The following DOCK9 variants were observed in gnomAD, a reference collection of about 807,000 sequenced individuals.
The protein encoded by DOCK9 is dedicator of cytokinesis 9.
In DOCK9, 89 loss-of-function variants were observed where a neutral mutation model predicts 263.3. That is an observed-to-expected ratio of 0.34 (90% CI 0.28 to 0.40). The LOEUF (loss-of-function observed/expected upper bound fraction) is 0.40. Among genes scored for constraint, DOCK9 ranks in the 10% least tolerant of loss-of-function variants. The pLI is 1.00. For missense variants in DOCK9, 2,140 were observed against 2,603.4 expected, an observed-to-expected ratio of 0.82 and a Z score of 3.87; for synonymous variants, 976 against 973.1, an observed-to-expected ratio of 1.00 and a Z score of -0.06.
chr13:99,038,408 G>A (rs567384843), intron 1 of DOCK9, among the ~76,000 whole-genome samples: 7 of 143,784 alleles, frequency 4.9e-5, no homozygotes, highest in African/African-American at 1.8e-4. Context: ...GGGTTCAAGC[G>A]ATTCTCCTGC....
intron 1 of DOCK9, among the ~76,000 whole-genome samples, chr13:98,989,307 A>T (rs918810027): frequency 1.4e-5 from 2 of 141,824 alleles, no homozygotes; most frequent in African/African-American, 5.3e-5. Flanking sequence ...GAGCTTGAAA[A>T]TTAATAATAA....
At chr13:98,984,838 A>G (rs1878063938) in intron 1 of DOCK9, among the ~76,000 whole-genome samples, 1 of 152,216 alleles carries the variant, frequency 6.6e-6, no homozygotes. Flanking sequence ...TATATCTATA[A>G]TATTAAGTAT....
chr13:98,873,167 T>C (rs1594854141), intron 27 of DOCK9, among the ~76,000 whole-genome samples: 1 of 152,292 alleles, frequency 6.6e-6, no homozygotes, highest in Non-Finnish European at 1.5e-5. Context: ...CCTGAGCGCC[T>C]TCCCATTTTC....
At chr13:98,803,758 G>T (rs2090379976) in intron 49 of DOCK9, among the ~76,000 whole-genome samples, 1 of 152,016 alleles carries the variant, frequency 6.6e-6, no homozygotes. Flanking sequence ...TTTGGGGTGG[G>T]GTGATGTTTG....
chr13:98,867,481 T>C lies in DOCK9; in HGVS notation c.3230A>G (p.Tyr1077Cys). ...TGGCATTGGTAAGTTCAACGGAATA[T>C]AATGTTCATGGTTGCACACTACACG... ...FLRVVCNHEH[Y>C]IPLNLPMPFG... Residue 1077 changes from tyrosine to cysteine, a missense_variant, in exon 30 of 53, where the codon TAT (tyrosine) becomes TGT (cysteine). Tyr to Cys is a radical substitution (Grantham distance 194). Coordinates refer to ENST00000682017, the MANE Select transcript of DOCK9 (RefSeq NM_001366683.2). 6.2e-7 allele frequency: 1 copy of C among 1,613,114 alleles called. No homozygotes were observed. Among genetic ancestry groups the C allele is most frequent in the East Asian group, 2.2e-5 (1 of 44,824 alleles).
In DOCK9 at chr13:98,800,453, C is replaced by A; in HGVS notation, c.5751G>T (p.Lys1917Asn). 1 of 1,614,000 alleles carries A rather than the reference C, an allele frequency of 6.2e-7. No individual in the cohort carries two copies. The highest frequency in any genetic ancestry group is 8.5e-7 in the Non-Finnish European group (1 of 1,179,870). ...GCTGGTACATGACAGGGATGCGCTT[C>A]TTCACATAAGGGAAGCAGTGTATGG... ...LTAIHCFPYV[K>N]KRIPVMYQHH... Residue 1917 changes from lysine (K) to asparagine (N), a missense_variant, in exon 50 of 53, where the codon AAG (lysine) becomes AAT (asparagine). This residue lies in a region of DOCK9 where 619 missense variants were observed against 861.8 expected (regional missense o/e 0.72). Coordinates refer to ENST00000682017, the MANE Select transcript of DOCK9 (RefSeq NM_001366683.2).
At chr13:98,886,457 C>G (rs6491465) in intron 19 of DOCK9, 75 bp downstream of exon 19, 1,227,666 of 1,236,882 alleles carry the variant, frequency 0.99, 609,734 homozygotes, top group East Asian at 1. Context: ...CTTGAATTTT[C>G]CTTTACCAGG....
At chr13:98,933,655 C>A (rs1179183028) in intron 2 of DOCK9, among the ~76,000 whole-genome samples, 2 of 152,238 alleles carry the variant, frequency 1.3e-5, no homozygotes, top group South Asian at 2.1e-4. Flanking sequence ...CGTAGTGTAG[C>A]ATAACTGCTA....
chr13:98,967,532 T>C (rs771087742), intron 1 of DOCK9, among the ~76,000 whole-genome samples: 22 of 152,206 alleles, frequency 1.4e-4, no homozygotes, highest in Non-Finnish European at 7.3e-5. Context: ...ACCTTCCCCA[T>C]CACACATGAA....
chr13:99,056,880 C>T (rs2142254119), intron 1 of DOCK9, among the ~76,000 whole-genome samples: 1 of 152,334 alleles, frequency 6.6e-6, no homozygotes, highest in African/African-American at 2.4e-5. Context: ...ATGCGTACAG[C>T]AGCGGGGATC....
At chr13:98,945,892 G>A (rs777453151) in intron 2 of DOCK9, among the ~76,000 whole-genome samples, 103 of 152,344 alleles carry the variant, frequency 6.8e-4, no homozygotes, top group African/African-American at 2.3e-3. Context: ...GCAAGGTAGA[G>A]AGGACCAGCA....
In DOCK9 at chr13:99,015,767, C is replaced by T. The variant is rs75686234; in HGVS notation, c.130-60216G>A. 4.5e-4 allele frequency: 587 copies of T among 1,314,962 alleles called. 6 individuals are homozygous for T. In the East Asian group the frequency reaches 0.014, roughly 30 times the overall value. 81.5% of individuals were successfully genotyped at this position (1,314,962 alleles called of 1,614,324 possible). ...AGCTCTGAGCTGCCGTACTAGAATC[C>T]GCTCCTGCTCAACAGCCTGACAAAA... On this transcript the variant is annotated intron_variant, in intron 1 of 32. Coordinates refer to the DOCK9 transcript ENST00000427887.
At position 98,795,734 on chromosome 13, in the gene DOCK9, ATT is replaced by A. The variant is rs2089294603; in HGVS notation, c.6157-988_6157-987del. ...GTTCTGCTTAATTATTCAGACATTC[ATT>A]TCTCTAATCGTTTCAATTTTTTTCT... On this transcript the variant is annotated intron_variant, in intron 52 of 52. Transcript: ENST00000682017. Among the ~76,000 whole-genome samples the A allele has an allele frequency of 2.7e-5, 4 of 148,262 alleles. No individual in the cohort carries two copies. In the South Asian group the frequency reaches 8.6e-4, roughly 32 times the overall value.
chr13:98,975,631 T>C (rs2060198071), intron 1 of DOCK9, among the ~76,000 whole-genome samples: 1 of 152,170 alleles, frequency 6.6e-6, no homozygotes, highest in Non-Finnish European at 1.5e-5. Context: ...CTATTTGCAT[T>C]TCTTGTTTTT....
At chr13:98,843,120 A>G (rs2093279796) in intron 38 of DOCK9, among the ~76,000 whole-genome samples, 1 of 152,148 alleles carries the variant, frequency 6.6e-6, no homozygotes, top group South Asian at 2.1e-4. Flanking sequence ...CTCTACAGAA[A>G]TAGCGGAAAT....
chr13:98,936,766 A>C (rs1054306330), intron 2 of DOCK9, among the ~76,000 whole-genome samples: 2 of 152,214 alleles, frequency 1.3e-5, no homozygotes, highest in Non-Finnish European at 2.9e-5. Context: ...CCATTATAGG[A>C]ACTGACAAGG....
intron 1 of DOCK9, among the ~76,000 whole-genome samples, chr13:99,046,848 T>A (rs557113370): frequency 6.6e-6 from 1 of 152,344 alleles, no homozygotes; most frequent in South Asian, 2.1e-4. Flanking sequence ...ACTTCATGCC[T>A]GCGTTTAAGG....
intron 2 of DOCK9, among the ~76,000 whole-genome samples, chr13:98,932,221 C>T (rs2054066804): frequency 6.6e-6 from 1 of 151,898 alleles, no homozygotes; most frequent in South Asian, 2.1e-4. Flanking sequence ...GGTGAAACCC[C>T]GTCTCTATTA....
chr13:98,851,391 G>C (rs76617012), intron 35 of DOCK9, among the ~76,000 whole-genome samples: 3,835 of 152,280 alleles, frequency 0.025, 139 homozygotes, highest in African/African-American at 0.087. Context: ...GCTACTTGAG[G>C]CTGGCCATCA....
Sources: allele counts gnomAD v4.1 joint callset (sites outside exome capture counted in the v4.1 genomes callset), GRCh38; gene constraint gnomAD v4.1.1; regional missense constraint gnomAD v4.1.1; transcripts MANE v1.5; gene names NCBI Gene and HGNC (gene_info 2026-07-23, HGNC 2026-07-21).